Variants in CACNA2D3 observed in about 807,000 individuals in gnomAD.
CACNA2D3 encodes the protein calcium voltage-gated channel auxiliary subunit alpha2delta 3.
Under a neutral mutation model 160.6 loss-of-function variants are expected in CACNA2D3, and 60 were observed. The ratio of observed to expected loss-of-function variants is 0.37; its 90% CI spans 0.30 to 0.46. CACNA2D3 has a LOEUF of 0.46. Among genes scored for constraint, CACNA2D3 ranks in the 20% least tolerant of loss-of-function variants. The pLI is 1.00. For synonymous variants in CACNA2D3, 558 were observed against 492.9 expected (o/e 1.13, Z -1.75); for missense variants, 1,205 against 1,365.0 (o/e 0.88, Z 1.85).
intron 13 of CACNA2D3, among the ~76,000 whole-genome samples, chr3:54,799,795 C>G (rs1484566559): frequency 6.6e-6 from 1 of 152,170 alleles, no homozygotes; most frequent in African/African-American, 2.4e-5. Flanking sequence ...CTGTCTGCCT[C>G]ACACAGCAAG....
In CACNA2D3 at chr3:54,965,040, C is replaced by A. The variant is rs779487294; in HGVS notation, c.2450-3410C>A. ...TACTAAAGACCTTCAATGGCACCAA[C>A]GGCAGATGTCAGAATACTTTTTCTG... On this transcript the variant is annotated intron_variant, in intron 27 of 37. Coordinates refer to ENST00000474759, the MANE Select transcript of CACNA2D3 (RefSeq NM_018398.3). Among the ~76,000 whole-genome samples, 22 of 152,222 alleles carry A rather than the reference C, an allele frequency of 1.4e-4. No individual in the cohort carries two copies. In the East Asian group the frequency reaches 3.3e-3, roughly 23 times the overall value.
intron 9 of CACNA2D3, among the ~76,000 whole-genome samples, chr3:54,624,658 T>C (rs942978194): frequency 2.0e-5 from 3 of 152,106 alleles, no homozygotes; most frequent in African/African-American, 7.2e-5. Flanking sequence ...TGTGTTAACA[T>C]GTGTGACTGA....
At chr3:54,756,191 C>T (rs2107077632) in intron 12 of CACNA2D3, among the ~76,000 whole-genome samples, 1 of 152,268 alleles carries the variant, frequency 6.6e-6, no homozygotes, top group Non-Finnish European at 1.5e-5. Context: ...CCTTCCCTTC[C>T]TGTCTACATC....
At chr3:54,391,269 C>G (rs746794755) in intron 4 of CACNA2D3, among the ~76,000 whole-genome samples, 5 of 152,176 alleles carry the variant, frequency 3.3e-5, no homozygotes, top group Non-Finnish European at 5.9e-5. Flanking sequence ...ATTCCCCTTG[C>G]CATCTTTTCA....
At chr3:54,495,434 A>G (rs973084367) in intron 4 of CACNA2D3, among the ~76,000 whole-genome samples, 2 of 152,148 alleles carry the variant, frequency 1.3e-5, no homozygotes, top group Non-Finnish European at 2.9e-5. Context: ...AATCCACCTG[A>G]GTAACCCATG....
At chr3:54,481,187 A>T (rs533691191) in intron 4 of CACNA2D3, among the ~76,000 whole-genome samples, 2 of 152,308 alleles carry the variant, frequency 1.3e-5, no homozygotes, top group African/African-American at 4.8e-5. Context: ...CCTCTAGATA[A>T]TGAAACAGTA....
chr3:54,801,178 G>T (rs1702978243), intron 13 of CACNA2D3, among the ~76,000 whole-genome samples: 1 of 151,898 alleles, frequency 6.6e-6, no homozygotes, highest in Non-Finnish European at 1.5e-5. Context: ...ATTAGAGATG[G>T]GGTTTCACCA....
intron 35 of CACNA2D3, among the ~76,000 whole-genome samples, chr3:55,044,835 G>T (rs1704041151): frequency 6.6e-6 from 1 of 152,074 alleles, no homozygotes; most frequent in Non-Finnish European, 1.5e-5. Flanking sequence ...AAAAAAGGTT[G>T]CTAAAGTTTG....
intron 27 of CACNA2D3, among the ~76,000 whole-genome samples, chr3:54,967,872 C>T (rs1210541298): frequency 1.2e-4 from 19 of 152,112 alleles, no homozygotes; most frequent in Non-Finnish European, 5.9e-5. Context: ...AAGCTTTTCA[C>T]AGACAAAGAA....
chr3:54,959,244 G>C (rs61454541), intron 27 of CACNA2D3, among the ~76,000 whole-genome samples: 1 of 152,130 alleles, frequency 6.6e-6, no homozygotes, highest in East Asian at 1.9e-4. Context: ...GCGGCACAGG[G>C]TGGTGTTCAG....
chr3:54,562,673 C>G lies in CACNA2D3; in HGVS notation c.545-127C>G, dbSNP rs540923908. 1.1e-4 allele frequency: 80 copies of G among 760,072 alleles called. 1 individual carries two copies. In the Middle Eastern group the frequency reaches 1.5e-3, roughly 14 times the overall value. The allele number at this position is 760,072 out of a possible 1,614,324, so 47.1% of individuals were successfully genotyped here. A position where few individuals can be genotyped will look rare whatever the true frequency, so the allele number is the denominator to read the frequency against. ...GAGCTAAACGTTTTTGTGGCTATAA[C>G]TTCCTTCATAGCCTCCTGCAAGATG... On this transcript the variant is annotated intron_variant, in intron 5 of 37. Transcript: ENST00000474759.
At chr3:54,388,327 A>C (rs1699224088) in intron 4 of CACNA2D3, among the ~76,000 whole-genome samples, 1 of 152,242 alleles carries the variant, frequency 6.6e-6, no homozygotes, top group Non-Finnish European at 1.5e-5. Context: ...ATTTCTTGCC[A>C]GTACTCACCG....
rs148016564 is a variant in CACNA2D3, at chr3:54,547,017, G to T, written c.545-15783G>T. On this transcript the variant is annotated intron_variant, in intron 5 of 37. Transcript: ENST00000474759. ...TCAGGCACTTGTCCGTGCCACTCAGGAGTTAGCAGTTAGTATATAGGAGCT... is the reference window on the plus strand; with the variant it reads ...TCAGGCACTTGTCCGTGCCACTCAGTAGTTAGCAGTTAGTATATAGGAGCT... 1.6e-3 allele frequency among the ~76,000 whole-genome samples: 243 copies of T among 152,210 alleles called. 2 individuals carry two copies. Among genetic ancestry groups the T allele is most frequent in the African/African-American group, 5.6e-3 (234 of 41,528 alleles).
At chr3:54,194,004 T>C (rs895055638) in intron 2 of CACNA2D3, among the ~76,000 whole-genome samples, 3 of 152,102 alleles carry the variant, frequency 2.0e-5, no homozygotes, top group African/African-American at 7.2e-5. Flanking sequence ...CTCAGTCATA[T>C]GTGGAAGCTA....
chr3:54,486,677 A>G (rs1048540172), intron 4 of CACNA2D3, among the ~76,000 whole-genome samples: 4 of 152,164 alleles, frequency 2.6e-5, no homozygotes, highest in Admixed American at 1.3e-4. Flanking sequence ...CCAAAGCAGC[A>G]GCACCACATC....
At chr3:54,151,851 C>A (rs890927055) in intron 2 of CACNA2D3, among the ~76,000 whole-genome samples, 12 of 152,172 alleles carry the variant, frequency 7.9e-5, no homozygotes, top group Non-Finnish European at 2.9e-5. Context: ...TCCCCCTGCC[C>A]CCAGGGAGAA....
At chr3:54,880,413 C>T (rs1364753296) in intron 20 of CACNA2D3, among the ~76,000 whole-genome samples, 4 of 152,058 alleles carry the variant, frequency 2.6e-5, no homozygotes, top group African/African-American at 4.8e-5. Flanking sequence ...TTCCCGAGTC[C>T]CAAAGTCTAG....
intron 5 of CACNA2D3, among the ~76,000 whole-genome samples, chr3:54,526,338 C>T (rs755006336): frequency 1.3e-5 from 2 of 152,160 alleles, no homozygotes; most frequent in Non-Finnish European, 2.9e-5. Context: ...CTCTCACAGG[C>T]AGTTTCTGTT....
chr3:54,169,853 C>T (rs1201532068), intron 2 of CACNA2D3, among the ~76,000 whole-genome samples: 1 of 152,030 alleles, frequency 6.6e-6, no homozygotes, highest in East Asian at 1.9e-4. Flanking sequence ...GGACACATTT[C>T]AGCCAAGATC....
Sources: allele counts gnomAD v4.1 joint callset (sites outside exome capture counted in the v4.1 genomes callset), GRCh38; gene constraint gnomAD v4.1.1; transcripts MANE v1.5; gene names NCBI Gene and HGNC (gene_info 2026-07-23, HGNC 2026-07-21).